Variants in LRP11 observed in about 807,000 individuals in gnomAD.
The protein encoded by LRP11 is LDL receptor related protein 11.
Under a neutral mutation model 43.1 loss-of-function variants are expected in LRP11, and 25 were observed. The observed-to-expected ratio is 0.58, with a 90% CI of 0.42 to 0.81. The LOEUF (loss-of-function observed/expected upper bound fraction) is 0.81, where lower values mean the gene tolerates loss of function less well. LRP11 is among the 30% of genes least tolerant of loss of function. LRP11 has a pLI of 0.00. For synonymous variants in LRP11, 316 were observed against 299.4 expected (o/e 1.06, Z -0.57); for missense variants, 623 against 665.1 (o/e 0.94, Z 0.70).
intron 1 of LRP11, among the ~76,000 whole-genome samples, chr6:149,858,855 G>A (rs1449472096): frequency 6.6e-6 from 1 of 152,008 alleles, no homozygotes; most frequent in African/African-American, 2.4e-5. Context: ...TTGCTCATAC[G>A]TTCTCTTCAG....
Position 149,823,442 on chromosome 6 carries a change from T to C in LRP11, c.1349-2739A>G, listed in dbSNP as rs1217927559. 3.3e-5 allele frequency among the ~76,000 whole-genome samples: 5 copies of C among 151,992 alleles called. No individual in the cohort carries two copies. In the East Asian group the frequency reaches 7.7e-4, roughly 23 times the overall value. ...GCTTTAGCCAGATCAGGGAGAGACC[T>C]TGGAAAGAGGCGACACCTCTTCCTT... On this transcript the variant is annotated intron_variant, in intron 6 of 6. Transcript: ENST00000239367.
At chr6:149,833,866 T>C (rs954057280) in intron 5 of LRP11, among the ~76,000 whole-genome samples, 1 of 152,158 alleles carries the variant, frequency 6.6e-6, no homozygotes, top group African/African-American at 2.4e-5. Context: ...TTATTTTCTT[T>C]TTTTTCCCTC....
intron 5 of LRP11, among the ~76,000 whole-genome samples, chr6:149,830,007 C>CT (rs59467230): frequency 0.037 from 4,673 of 127,406 alleles, 361 homozygotes; most frequent in East Asian, 0.32. Context: ...TTATTATCCT[C>CT]TTTTTTTTTT....
At chr6:149,843,899 AACTC>A (rs1466288789) in intron 2 of LRP11, among the ~76,000 whole-genome samples, 1 of 152,054 alleles carries the variant, frequency 6.6e-6, no homozygotes, top group Non-Finnish European at 1.5e-5. Context: ...GTGCTGGCAA[AACTC>A]ACTAACTGAC....
At chr6:149,848,503 G>A (rs867170857) in intron 2 of LRP11, among the ~76,000 whole-genome samples, 27 of 152,164 alleles carry the variant, frequency 1.8e-4, no homozygotes, top group Admixed American at 1.2e-3. Context: ...CGGTAGACTG[G>A]ATGAAGAATA....
At chr6:149,833,652 C>T (rs2115381280) in intron 5 of LRP11, among the ~76,000 whole-genome samples, 1 of 152,164 alleles carries the variant, frequency 6.6e-6, no homozygotes, top group East Asian at 1.9e-4. Context: ...ATATTTTCTA[C>T]AGTAAATCCA....
chr6:149,842,880 A>G (rs1310808873), intron 3 of LRP11, 103 bp downstream of exon 3: 7 of 1,390,968 alleles, frequency 5.0e-6, no homozygotes, highest in Non-Finnish European at 6.9e-6. Flanking sequence ...ATAACCAAAA[A>G]TAAAATGGAA....
At chr6:149,841,056 A>G (rs1336040892) in intron 3 of LRP11, among the ~76,000 whole-genome samples, 4 of 152,178 alleles carry the variant, frequency 2.6e-5, no homozygotes, top group Non-Finnish European at 5.9e-5. Flanking sequence ...CTGCTTCCTT[A>G]CAGTAAGCTT....
chr6:149,843,487 C>G (rs936094117), intron 2 of LRP11, among the ~76,000 whole-genome samples: 1 of 152,128 alleles, frequency 6.6e-6, no homozygotes, highest in Non-Finnish European at 1.5e-5. Flanking sequence ...CTCCACCACC[C>G]ACCTCCTCCT....
intron 5 of LRP11, among the ~76,000 whole-genome samples, chr6:149,829,363 C>A (rs1258316502): frequency 1.4e-4 from 21 of 152,044 alleles, no homozygotes; most frequent in Admixed American, 1.4e-3. Context: ...GAGTTCGAGA[C>A]CAGCCTAGCC....
At chr6:149,835,044 C>T (rs1177279960) in intron 5 of LRP11, among the ~76,000 whole-genome samples, 2 of 152,216 alleles carry the variant, frequency 1.3e-5, no homozygotes, top group Non-Finnish European at 2.9e-5. Context: ...TCTGAAAAGA[C>T]ATTAGAAAAG....
chr6:149,832,355 C>A (rs891711360), intron 5 of LRP11, among the ~76,000 whole-genome samples: 1 of 151,770 alleles, frequency 6.6e-6, no homozygotes, highest in Non-Finnish European at 1.5e-5. Context: ...CTACGCCCAG[C>A]TAATTTTTTG....
intron 5 of LRP11, among the ~76,000 whole-genome samples, chr6:149,831,250 C>G (rs1442145673): frequency 1.3e-5 from 2 of 152,218 alleles, no homozygotes; most frequent in Non-Finnish European, 2.9e-5. Flanking sequence ...TGCCATAGAG[C>G]ATGCAGGCAT....
chr6:149,853,143 G>C lies in LRP11; in HGVS notation c.631C>G (p.Leu211Val). ...SPRQEKDAPP[L>V]SKAGQDVVLH... ...ACCACATCCTGCCCAGCCTTGCTAA[G>C]TGGAGGCGCATCCTTTTCTGAGAAA... The change falls in exon 2 of 7, where the codon CTT (leucine) becomes GTT (valine). Residue 211 changes from leucine to valine, a missense_variant. Physicochemically the swap from Leu to Val is conservative, Grantham distance 32. Transcript: ENST00000239367. 1.3e-6 allele frequency: 2 copies of C among 1,582,386 alleles called. No homozygotes were observed. The highest frequency in any genetic ancestry group is 1.7e-6 in the Non-Finnish European group (2 of 1,168,334).
chr6:149,858,607 C>A (rs1282188286), intron 1 of LRP11, among the ~76,000 whole-genome samples: 3 of 152,196 alleles, frequency 2.0e-5, no homozygotes, highest in Non-Finnish European at 4.4e-5. Context: ...TATCCTTCCA[C>A]TATACTTCGA....
In LRP11 at chr6:149,837,367, T is replaced by A. The variant is rs753674984; in HGVS notation, c.1010A>T (p.Asp337Val). Residue 337 changes from aspartate to valine, a missense_variant, in exon 4 of 7, where the codon GAT (aspartate) becomes GTT (valine). By Grantham distance (152) the Asp-to-Val change is radical. Transcript: ENST00000239367. ...CTGGCAGAAGTCTTCATCAGACCCA[T>A]CAGGACACTGCTGCACTCCATCGCA... ...LACDGVQQCP[D>V]GSDEDFCQNL... 3 of 1,613,908 alleles carry A rather than the reference T, an allele frequency of 1.9e-6. No individual in the cohort carries two copies. Among genetic ancestry groups the A allele is most frequent in the Non-Finnish European group, 2.5e-6 (3 of 1,180,022 alleles).
At chr6:149,843,439 C>T (rs1192174334) in intron 2 of LRP11, among the ~76,000 whole-genome samples, 1 of 152,140 alleles carries the variant, frequency 6.6e-6, no homozygotes, top group Non-Finnish European at 1.5e-5. Context: ...CAGGGGGACT[C>T]ATCAGCTTCA....
At chr6:149,854,090 GACT>G (rs1277721380) in intron 1 of LRP11, among the ~76,000 whole-genome samples, 5 of 152,106 alleles carry the variant, frequency 3.3e-5, no homozygotes, top group Non-Finnish European at 7.4e-5. Flanking sequence ...AGGCTCAGAT[GACT>G]ACAACAGCAA....
At chr6:149,840,027 G>T (rs1245171770) in intron 3 of LRP11, among the ~76,000 whole-genome samples, 3 of 152,180 alleles carry the variant, frequency 2.0e-5, no homozygotes, top group African/African-American at 7.2e-5. Flanking sequence ...GGAAGAGCTT[G>T]CTGGCTTGCT....
Sources: allele counts gnomAD v4.1 joint callset (sites outside exome capture counted in the v4.1 genomes callset), GRCh38; gene constraint gnomAD v4.1.1; transcripts MANE v1.5; gene names NCBI Gene and HGNC (gene_info 2026-07-23, HGNC 2026-07-21).